Variants in HS2ST1 observed in about 807,000 individuals in gnomAD.
HS2ST1 encodes 2-O-sulfotransferase.
HS2ST1 carries 18 observed loss-of-function variants against 42.9 expected under a neutral mutation model. The ratio of observed to expected loss-of-function variants is 0.42; its 90% CI spans 0.29 to 0.62. The LOEUF (loss-of-function observed/expected upper bound fraction) is 0.62, where lower values mean the gene tolerates loss of function less well. Among genes scored for constraint, HS2ST1 ranks in the 20% least tolerant of loss-of-function variants. The pLI is 0.21. For synonymous variants in HS2ST1, 146 were observed against 152.9 expected (o/e 0.95, Z 0.33); for missense variants, 334 against 433.8 (o/e 0.77, Z 2.04).
intron 1 of HS2ST1, among the ~76,000 whole-genome samples, chr1:86,917,397 T>C (rs1281212572): frequency 6.6e-6 from 1 of 151,962 alleles, no homozygotes; most frequent in East Asian, 1.9e-4. Flanking sequence ...CGGGCGCCTG[T>C]AATCCCACCT....
chr1:86,965,841 A>G (rs1648031405), intron 1 of HS2ST1, among the ~76,000 whole-genome samples: 1 of 152,188 alleles, frequency 6.6e-6, no homozygotes, highest in South Asian at 2.1e-4. Context: ...GGAAAAGAAT[A>G]GTTTATACAA....
chr1:87,017,403 C>CT (rs1649791518), intron 1 of HS2ST1, among the ~76,000 whole-genome samples: 1 of 152,204 alleles, frequency 6.6e-6, no homozygotes, highest in Non-Finnish European at 1.5e-5. Flanking sequence ...TCCCAAAGTG[C>CT]TGGGATTACA....
chr1:87,093,133 T>C (rs1651985876), intron 4 of HS2ST1, among the ~76,000 whole-genome samples: 1 of 152,086 alleles, frequency 6.6e-6, no homozygotes, highest in Admixed American at 6.6e-5. Flanking sequence ...TCCATTTCAC[T>C]GCATTTTCTA....
intron 1 of HS2ST1, among the ~76,000 whole-genome samples, chr1:86,996,639 G>A (rs1649111870): frequency 6.6e-6 from 1 of 151,980 alleles, no homozygotes; most frequent in South Asian, 2.1e-4. Context: ...ACATTTTCCA[G>A]CAAGTAGTCA....
intron 1 of HS2ST1, chr1:86,932,429 T>A (rs1644433083): frequency 1.3e-5 from 2 of 152,176 alleles, no homozygotes; most frequent in Admixed American, 6.5e-5. Flanking sequence ...ATTCATGTAA[T>A]ATACCCTCTT....
chr1:86,954,176 C>T (rs1043380810), intron 1 of HS2ST1, among the ~76,000 whole-genome samples: 25 of 151,690 alleles, frequency 1.6e-4, no homozygotes, highest in African/African-American at 6.1e-4. Flanking sequence ...ATGGTAAAAC[C>T]CAGTCTCTCT....
chr1:86,961,306 A>G (rs1397066106), intron 1 of HS2ST1, among the ~76,000 whole-genome samples: 2 of 152,176 alleles, frequency 1.3e-5, no homozygotes, highest in African/African-American at 4.8e-5. Flanking sequence ...TATTACAAAT[A>G]CAGTGGTGAG....
rs1314471876 is a variant in HS2ST1, at chr1:86,963,810, G to T, written c.124+48650G>T. Among the ~76,000 whole-genome samples, 71 of 144,520 alleles carry T rather than the reference G, an allele frequency of 4.9e-4. 1 individual carries two copies. The highest frequency in any genetic ancestry group is 9.0e-4 in the Non-Finnish European group (59 of 65,388). 94.8% of individuals were successfully genotyped at this position (144,520 alleles called of 152,430 possible). ...GGGGCTGGCCCCCACCTCCCCCCCT[G>T]GACGGGGCGGCTGGCCGGGCGGGGG... On this transcript the variant is annotated intron_variant, in intron 1 of 6. Coordinates refer to ENST00000370550, the MANE Select transcript of HS2ST1 (RefSeq NM_012262.4).
chr1:86,915,172 A>C lies in HS2ST1; in HGVS notation c.124+12A>C. On this transcript the variant is annotated intron_variant, in intron 1 of 6. Transcript: ENST00000370550. ...CCGCTCGAAGCTAGGTGAGGAACTG[A>C]ACTGCCCCGGGCTGAGTGCTGTGGA... 1 of 1,611,108 alleles carries C rather than the reference A, an allele frequency of 6.2e-7. No individual in the cohort carries two copies. Among genetic ancestry groups the C allele is most frequent in the Non-Finnish European group, 8.5e-7 (1 of 1,178,320 alleles).
intron 1 of HS2ST1, among the ~76,000 whole-genome samples, chr1:87,063,593 C>T (rs1651171334): frequency 6.6e-6 from 1 of 152,180 alleles, no homozygotes; most frequent in African/African-American, 2.4e-5. Flanking sequence ...CCTCGGCTTC[C>T]CTAAATGCTG....
chr1:87,016,482 T>A (rs1159591978), intron 1 of HS2ST1, among the ~76,000 whole-genome samples: 2 of 152,184 alleles, frequency 1.3e-5, no homozygotes, highest in African/African-American at 4.8e-5. Context: ...TTTCTCTCTC[T>A]CTCCTGGCTT....
At chr1:86,942,073 T>C (rs1471278260) in intron 1 of HS2ST1, among the ~76,000 whole-genome samples, 3 of 152,212 alleles carry the variant, frequency 2.0e-5, no homozygotes, top group Non-Finnish European at 4.4e-5. Context: ...GCTAATTGTT[T>C]AAAGACTTTC....
chr1:87,048,815 G>A (rs1010033423), intron 1 of HS2ST1, among the ~76,000 whole-genome samples: 2 of 151,970 alleles, frequency 1.3e-5, no homozygotes, highest in Non-Finnish European at 2.9e-5. Flanking sequence ...TGTATCCTTG[G>A]GATAAACTAC....
intron 1 of HS2ST1, among the ~76,000 whole-genome samples, chr1:86,951,651 G>A (rs1346977845): frequency 1.3e-5 from 2 of 152,344 alleles, no homozygotes; most frequent in African/African-American, 4.8e-5. Flanking sequence ...GGTGGCTGGA[G>A]GTGGGGGTGA....
chr1:87,099,600 T>C (rs1286614061), intron 5 of HS2ST1, among the ~76,000 whole-genome samples: 1 of 152,168 alleles, frequency 6.6e-6, no homozygotes, highest in Non-Finnish European at 1.5e-5. Flanking sequence ...ATCCAAACCA[T>C]ATTATTCTGC....
At position 87,058,039 on chromosome 1, in the gene HS2ST1, G is replaced by A. The variant is rs1046670517; in HGVS notation, c.125-14895G>A. Among the ~76,000 whole-genome samples, 7 of 151,468 alleles carry A rather than the reference G, an allele frequency of 4.6e-5. 1 individual carries two copies. The highest frequency in any genetic ancestry group is 1.7e-4 in the African/African-American group (7 of 40,888). The stretch of plus-strand genomic sequence containing the variant: ...CTTCTTTCGATTTTGTTTTAGCCTC[G>A]GGGTGAGTGGGTGGAGGGAGTCCAA... On this transcript the variant is annotated intron_variant, in intron 1 of 6. Transcript: ENST00000370550.
At chr1:87,096,944 A>G (rs1398819600) in intron 4 of HS2ST1, among the ~76,000 whole-genome samples, 2 of 152,268 alleles carry the variant, frequency 1.3e-5, no homozygotes, top group Admixed American at 1.3e-4. Context: ...GGCACAAATG[A>G]TAATAAAACC....
intron 1 of HS2ST1, among the ~76,000 whole-genome samples, chr1:87,029,835 A>G (rs1311282376): frequency 1.3e-5 from 2 of 152,228 alleles, no homozygotes; most frequent in Non-Finnish European, 2.9e-5. Flanking sequence ...GAATAAACAT[A>G]TTCAAGGACA....
chr1:87,073,368 T>G (rs1176732734), intron 2 of HS2ST1, among the ~76,000 whole-genome samples, 196 bp downstream of exon 2: 1 of 152,246 alleles, frequency 6.6e-6, no homozygotes, highest in African/African-American at 2.4e-5. Flanking sequence ...GCATATAGTA[T>G]GTACTCAAAT....
Sources: gnomAD v4.1 joint callset for allele counts (sites outside exome capture counted in the v4.1 genomes callset) on GRCh38, gnomAD v4.1.1 for gene constraint, MANE v1.5 for transcripts, NCBI Gene and HGNC (gene_info 2026-07-23, HGNC 2026-07-21) for gene names.